Variants in PPARGC1B observed in about 807,000 individuals in gnomAD.
PPARGC1B encodes PPARG coactivator 1 beta, also known as peroxisome proliferator-activated receptor gamma coactivator 1-beta.
PPARGC1B carries 34 observed loss-of-function variants against 101.6 expected under a neutral mutation model. That is an observed-to-expected ratio of 0.33 (90% CI 0.25 to 0.45). The LOEUF (loss-of-function observed/expected upper bound fraction) is 0.45. Among genes scored for constraint, PPARGC1B ranks in the 20% least tolerant of loss-of-function variants. The pLI is 1.00. For synonymous variants in PPARGC1B, 548 were observed against 539.3 expected (o/e 1.02, Z -0.22); for missense variants, 1,234 against 1,317.6 (o/e 0.94, Z 0.98).
Position 149,833,449 on chromosome 5 carries a change from G to T in PPARGC1B, c.1376G>T (p.Gly459Val). ...EEWGRKRPGRGLPWTKLGRKL... is the reference protein window; with the variant it reads ...EEWGRKRPGRVLPWTKLGRKL... Reference sequence around the variant, plus strand: ...TGGGGCAGGAAAAGGCCAGGCCGAGGCCTGCCATGGACGAAGCTGGGGAGG... The same window carrying T: ...TGGGGCAGGAAAAGGCCAGGCCGAGTCCTGCCATGGACGAAGCTGGGGAGG... Residue 459 changes from glycine to valine, a missense_variant, in exon 5 of 12, where the codon GGC becomes GTC. Physicochemically the swap from Gly to Val is moderately radical, Grantham distance 109 (BLOSUM62 -3). This residue lies in a region of PPARGC1B where 734 missense variants were observed against 768.4 expected (regional missense o/e 0.96). Transcript: ENST00000309241. The surrounding 1 kb of genome is among the most constrained non-coding windows in gnomAD (Gnocchi z 4.1). 1 of 1,575,224 alleles carries T rather than the reference G, an allele frequency of 6.3e-7. No individual in the cohort carries two copies. The highest frequency in any genetic ancestry group is 8.6e-7 in the Non-Finnish European group (1 of 1,160,404).
At chr5:149,809,705 A>G (rs866638151) in intron 1 of PPARGC1B, among the ~76,000 whole-genome samples, 28 of 151,698 alleles carry the variant, frequency 1.8e-4, no homozygotes, top group African/African-American at 6.8e-4. Context: ...AAAAAAAAAA[A>G]AAAAAAAAAT....
intron 1 of PPARGC1B, among the ~76,000 whole-genome samples, chr5:149,786,625 C>G (rs1194617459): frequency 6.6e-6 from 1 of 152,216 alleles, no homozygotes; most frequent in Admixed American, 6.5e-5. Context: ...TTCCCAGAAA[C>G]TCTTGTCACA....
In PPARGC1B at chr5:149,850,459, TA is replaced by T. The variant is rs1759725011; in HGVS notation, c.*2902del. ...GACGCTGCCTGCCAAGGGCATCGAG[TA>T]GTCTCTACTTGCTATCCCGTACATA... On this transcript the variant is annotated 3_prime_UTR_variant, in exon 12 of 12. Transcript: ENST00000309241. 1 of 152,142 alleles carries T rather than the reference TA, an allele frequency of 6.6e-6. No individual in the cohort carries two copies. The highest frequency in any genetic ancestry group is 6.5e-5 in the Admixed American group (1 of 15,270). The allele number at this position is 152,142 out of a possible 1,614,324, so 9.4% of individuals were successfully genotyped here.
At chr5:149,750,476 A>ATATATATATATATATG (rs1329559486) in intron 1 of PPARGC1B, among the ~76,000 whole-genome samples, 1 of 118,192 alleles carries the variant, frequency 8.5e-6, no homozygotes, top group Non-Finnish European at 1.7e-5. Flanking sequence ...ATATATATAT[A>ATATATATATATATATG]TATATATATA....
chr5:149,839,976 A>G (rs1231420074), intron 8 of PPARGC1B, 65 bp from the exon 9 acceptor site: 3 of 1,522,340 alleles, frequency 2.0e-6, no homozygotes, highest in Non-Finnish European at 2.7e-6. Context: ...CCTGGAGCAG[A>G]TCCGCCCCCA....
chr5:149,847,590 TA>T lies in PPARGC1B; in HGVS notation c.*33del, dbSNP rs1759618147. 6.7e-7 allele frequency: 1 copy of T among 1,482,246 alleles called. No homozygotes were observed. Among genetic ancestry groups the T allele is most frequent in the Non-Finnish European group, 9.4e-7 (1 of 1,060,642 alleles). The allele number at this position is 1,482,246 out of a possible 1,614,324, so 91.8% of individuals were successfully genotyped here. On this transcript the variant is annotated 3_prime_UTR_variant, in exon 12 of 12. Coordinates refer to ENST00000309241, the MANE Select transcript of PPARGC1B (RefSeq NM_133263.4). ...CCTTAACCCTCGAGGAATACCTCAATACCTCAGACAAGGCCCTTCCAATATG... is the reference window on the plus strand; with the variant it reads ...CCTTAACCCTCGAGGAATACCTCAATCCTCAGACAAGGCCCTTCCAATATG...
At chr5:149,803,675 C>T (rs1406183677) in intron 1 of PPARGC1B, among the ~76,000 whole-genome samples, 1 of 152,186 alleles carries the variant, frequency 6.6e-6, no homozygotes, top group East Asian at 1.9e-4. Flanking sequence ...CATTAGCACA[C>T]AGTAAGGAGG....
intron 1 of PPARGC1B, among the ~76,000 whole-genome samples, chr5:149,761,891 G>T (rs924996601): frequency 6.6e-6 from 1 of 152,160 alleles, no homozygotes; most frequent in African/African-American, 2.4e-5. Context: ...CAACCTGATT[G>T]TGGTACTGTG....
At chr5:149,796,044 C>T (rs1409710940) in intron 1 of PPARGC1B, among the ~76,000 whole-genome samples, 1 of 152,152 alleles carries the variant, frequency 6.6e-6, no homozygotes, top group East Asian at 1.9e-4. Flanking sequence ...CAGCAGGAAG[C>T]ATGGAGAGGC....
intron 1 of PPARGC1B, among the ~76,000 whole-genome samples, chr5:149,778,512 A>G (rs1488341108): frequency 6.6e-6 from 1 of 152,038 alleles, no homozygotes; most frequent in African/African-American, 2.4e-5. Flanking sequence ...CCATCCCACC[A>G]GGTAGTGGCC....
At chr5:149,737,291 C>G (rs1297494299) in intron 1 of PPARGC1B, among the ~76,000 whole-genome samples, 2 of 152,106 alleles carry the variant, frequency 1.3e-5, no homozygotes, top group Non-Finnish European at 2.9e-5. Flanking sequence ...AACCTGATTT[C>G]CGAAGGCCTT....
intron 1 of PPARGC1B, among the ~76,000 whole-genome samples, chr5:149,773,971 A>G (rs536557766): frequency 4.8e-4 from 73 of 152,344 alleles, no homozygotes; most frequent in African/African-American, 1.6e-3. Context: ...GATGCATGGC[A>G]GCCTGTACCT....
chr5:149,803,978 G>A (rs1757514276), intron 1 of PPARGC1B, among the ~76,000 whole-genome samples: 1 of 152,194 alleles, frequency 6.6e-6, no homozygotes, highest in Non-Finnish European at 1.5e-5. Context: ...AGAGCCTGCT[G>A]GGGCCAAAGA....
intron 1 of PPARGC1B, among the ~76,000 whole-genome samples, chr5:149,760,424 C>T (rs1199471950): frequency 1.3e-5 from 2 of 152,204 alleles, no homozygotes; most frequent in Non-Finnish European, 2.9e-5. Flanking sequence ...TGCTGTGTGA[C>T]CTTGGGCACA....
At chr5:149,754,774 ATTTTTTTTTTTTTTT>A (rs10560122) in intron 1 of PPARGC1B, among the ~76,000 whole-genome samples, 2 of 68,408 alleles carry the variant, frequency 2.9e-5, no homozygotes, top group African/African-American at 1.1e-4. Context: ...GAGCATCCTG[ATTTTTTTTTTTTTTT>A]TTTTTTTTTT....
chr5:149,767,842 G>T (rs1417210175), intron 1 of PPARGC1B, among the ~76,000 whole-genome samples: 1 of 151,964 alleles, frequency 6.6e-6, no homozygotes, highest in Non-Finnish European at 1.5e-5. Flanking sequence ...GGGGTGGGGG[G>T]TGGCGGATGC....
downstream of PPARGC1B, among the ~76,000 whole-genome samples, chr5:149,857,560 CAT>C (rs1759988518): frequency 6.6e-6 from 1 of 152,226 alleles, no homozygotes; most frequent in Admixed American, 6.5e-5. Context: ...TCAGGGTGTG[CAT>C]TGCAGCAGGG....
chr5:149,745,842 C>T (rs1755067618), intron 1 of PPARGC1B, among the ~76,000 whole-genome samples: 1 of 152,128 alleles, frequency 6.6e-6, no homozygotes, highest in African/African-American at 2.4e-5. Context: ...ATCCCACACC[C>T]ACTTATGGGT....
In PPARGC1B at chr5:149,730,809, CT is replaced by C. The variant is rs1754427817; in HGVS notation, c.78+392del. On this transcript the variant is annotated intron_variant, in intron 1 of 11. Coordinates refer to ENST00000309241, the MANE Select transcript of PPARGC1B (RefSeq NM_133263.4). This position sits in a 1 kb window ranked among gnomAD's most constrained non-coding sequence, Gnocchi z 4.0. Reference sequence around the variant, plus strand: ...TCAGCGCCCGGCACTTGCTGCCGTACTTTCACGTGGACTTGTGGCCCCGGCA... The same window carrying C: ...TCAGCGCCCGGCACTTGCTGCCGTACTTCACGTGGACTTGTGGCCCCGGCA... Among the ~76,000 whole-genome samples, 1 of 152,232 alleles carries C rather than the reference CT, an allele frequency of 6.6e-6. No individual in the cohort carries two copies. The highest frequency in any genetic ancestry group is 2.4e-5 in the African/African-American group (1 of 41,476).
Sources: allele counts gnomAD v4.1 joint callset (sites outside exome capture counted in the v4.1 genomes callset), GRCh38; gene constraint gnomAD v4.1.1; regional missense constraint gnomAD v4.1.1; non-coding constraint Gnocchi (gnomAD v3.1); transcripts MANE v1.5; gene names NCBI Gene and HGNC (gene_info 2026-07-23, HGNC 2026-07-21).